SOS1: variants seen among roughly 807,000 people sequenced by gnomAD.
SOS1 encodes the protein SOS Ras/Rac guanine nucleotide exchange factor 1.
SOS1 carries 25 observed loss-of-function variants against 157.6 expected under a neutral mutation model. The ratio of observed to expected loss-of-function variants is 0.16; its 90% CI spans 0.12 to 0.22. The LOEUF (loss-of-function observed/expected upper bound fraction) is 0.22, where lower values mean the gene tolerates loss of function less well. Among genes scored for constraint, SOS1 ranks in the 10% least tolerant of loss-of-function variants. The pLI is 1.00. For missense variants in SOS1, 1,237 were observed against 1,599.1 expected (o/e 0.77, Z 3.86); for synonymous variants, 528 against 534.0 (o/e 0.99, Z 0.16).
rs1553352666 is a variant in SOS1 at position 39,003,070 on chromosome 2, A to AACAAAACAAAAC, written c.2791+3341_2791+3342insGTTTTGTTTTGT. Among the ~76,000 whole-genome samples, 93 of 96,316 alleles carry AACAAAACAAAAC rather than the reference A, an allele frequency of 9.7e-4. 1 individual carries two copies. Among genetic ancestry groups the AACAAAACAAAAC allele is most frequent in the African/African-American group, 3.3e-3 (81 of 24,806 alleles). The allele number at this position is 96,316 out of a possible 152,430, so 63.2% of individuals were successfully genotyped here. ...TGATAAAGTGAGACCTTGTATCAAA[A>AACAAAACAAAAC]AAAAAAAAGAACGTAGGGGTAGGGG... is the stretch of plus-strand genomic sequence containing the variant. On this transcript the variant is annotated intron_variant, in intron 17 of 22. Transcript: ENST00000402219.
At chr2:38,988,945 C>CTTTTTTTTT (rs3085353) in intron 21 of SOS1, among the ~76,000 whole-genome samples, 1 of 142,010 alleles carries the variant, frequency 7.0e-6, no homozygotes, top group African/African-American at 2.6e-5. Context: ...ATGCTCTTGC[C>CTTTTTTTTT]TTTTTTTTTT....
chr2:39,099,969 G>A (rs764521804), intron 1 of SOS1, among the ~76,000 whole-genome samples: 5 of 152,082 alleles, frequency 3.3e-5, no homozygotes, highest in African/African-American at 4.8e-5. Context: ...CACCTGCCTC[G>A]CCCTCCCAAA....
At chr2:39,086,874 A>G (rs1331981279) in intron 1 of SOS1, among the ~76,000 whole-genome samples, 1 of 151,806 alleles carries the variant, frequency 6.6e-6, no homozygotes. Context: ...GTGCAGTGGC[A>G]TGATCTTGGC....
intron 1 of SOS1, among the ~76,000 whole-genome samples, chr2:39,077,925 T>C (rs1359643786): frequency 6.6e-6 from 1 of 152,164 alleles, no homozygotes; most frequent in Non-Finnish European, 1.5e-5. Flanking sequence ...ACACAAGAAG[T>C]ATAAAATGAA....
chr2:39,090,332 G>C (rs966860257), intron 1 of SOS1, among the ~76,000 whole-genome samples: 2 of 152,060 alleles, frequency 1.3e-5, no homozygotes, highest in Non-Finnish European at 2.9e-5. Flanking sequence ...TCTTCTTTGT[G>C]GGGGCTGGGG....
At chr2:39,118,516 T>C (rs1174659408) in intron 1 of SOS1, among the ~76,000 whole-genome samples, 1 of 152,234 alleles carries the variant, frequency 6.6e-6, no homozygotes, top group Non-Finnish European at 1.5e-5. Context: ...CACCTCCTCC[T>C]ATCACTTCTA....
chr2:39,097,699 G>T (rs758772462), intron 1 of SOS1, among the ~76,000 whole-genome samples: 6 of 152,076 alleles, frequency 3.9e-5, no homozygotes, highest in Non-Finnish European at 8.8e-5. Flanking sequence ...CAGTAGCTGG[G>T]ATTACAGGCA....
chr2:38,983,067 T>C lies in SOS1; in HGVS notation c.*2757A>G, dbSNP rs1163114003. 2.6e-5 allele frequency: 4 copies of C among 152,162 alleles called. No homozygotes were observed. Among genetic ancestry groups the C allele is most frequent in the Non-Finnish European group, 5.9e-5 (4 of 68,006 alleles). The allele number at this position is 152,162 out of a possible 1,614,324, so 9.4% of individuals were successfully genotyped here. A position where few individuals can be genotyped will look rare whatever the true frequency, so the allele number is the denominator to read the frequency against. Reference sequence around the variant, plus strand: ...TCAATGTATGTTTCCTGATAATGTGTAGTCTTAAAATACATCAGCCTTGAA... The same window carrying C: ...TCAATGTATGTTTCCTGATAATGTGCAGTCTTAAAATACATCAGCCTTGAA... On this transcript the variant is annotated 3_prime_UTR_variant, in exon 23 of 23. Transcript: ENST00000402219.
chr2:39,121,729 A>T (rs1277084632), upstream of SOS1, among the ~76,000 whole-genome samples: 1 of 152,194 alleles, frequency 6.6e-6, no homozygotes, highest in African/African-American at 2.4e-5. Flanking sequence ...TCGACTAGAT[A>T]ATAAACTGGA....
chr2:39,056,423 A>G (rs1671214497), intron 4 of SOS1, among the ~76,000 whole-genome samples: 1 of 152,326 alleles, frequency 6.6e-6, no homozygotes, highest in Non-Finnish European at 1.5e-5. Flanking sequence ...TCTCAAAAAA[A>G]AGAAAAAAGA....
In SOS1 at chr2:39,006,428, TG is replaced by T; in HGVS notation, c.2774del (p.Pro925HisfsTer14). On this transcript the variant is annotated frameshift_variant, in exon 17 of 23. Transcript: ENST00000402219. LOFTEE classifies it high-confidence loss of function. ...AATACTTACCAAAGAAAGGCACACA[TG>T]GTGGATTAATAGACCTGAGTTTTGC... ...YLAKLRSINP[P>X]CVPFFGIYLT... 1.3e-6 allele frequency: 2 copies of T among 1,491,868 alleles called. No individual in the cohort carries two copies. The highest frequency in any genetic ancestry group is 1.9e-6 in the Non-Finnish European group (2 of 1,068,950). 92.4% of individuals were successfully genotyped at this position (1,491,868 alleles called of 1,614,324 possible). A position where few individuals can be genotyped will look rare whatever the true frequency, so the allele number is the denominator to read the frequency against.
At chr2:39,005,185 G>A (rs954834611) in intron 17 of SOS1, among the ~76,000 whole-genome samples, 2 of 152,088 alleles carry the variant, frequency 1.3e-5, no homozygotes, top group African/African-American at 4.8e-5. Flanking sequence ...ATAGCTAAAA[G>A]TTACATGAAT....
chr2:39,010,982 G>A (rs986414514), intron 14 of SOS1, among the ~76,000 whole-genome samples: 5 of 142,504 alleles, frequency 3.5e-5, no homozygotes, highest in African/African-American at 1.0e-4. Context: ...TGCAACCTCC[G>A]CCTCCCAGGT....
chr2:39,057,482 G>T (rs543486884), intron 3 of SOS1, among the ~76,000 whole-genome samples: 1 of 151,990 alleles, frequency 6.6e-6, no homozygotes, highest in East Asian at 1.9e-4. Context: ...TGTTCATACA[G>T]AATAACAAAT....
intron 9 of SOS1, chr2:39,023,747 T>C (rs1260981898): frequency 7.4e-6 from 3 of 405,562 alleles, no homozygotes; most frequent in Non-Finnish European, 8.9e-6. Context: ...ATCTACCCGA[T>C]ACATTTTACT....
chr2:39,022,409 A>G (rs981341757), intron 10 of SOS1, 161 bp downstream of exon 10: 4 of 647,872 alleles, frequency 6.2e-6, no homozygotes, highest in Non-Finnish European at 1.1e-5. Context: ...TAGAAAAAGT[A>G]AAACATTCCA....
rs1050638483 is a variant in SOS1 at position 39,120,977 on chromosome 2, G to C, written c.-555C>G. 1 of 175,998 alleles carries C rather than the reference G, an allele frequency of 5.7e-6. No homozygotes were observed. The highest frequency in any genetic ancestry group is 2.4e-5 in the African/African-American group (1 of 41,636). 10.9% of individuals were successfully genotyped at this position (175,998 alleles called of 1,614,324 possible). The stretch of plus-strand genomic sequence containing the variant: ...AATCTGGCTGCCCTGAGGTGCCGCC[G>C]CGGCCGCCGCCGCCACCGCCGCCGC... On this transcript the variant is annotated 5_prime_UTR_variant, in exon 1 of 23. Transcript: ENST00000402219.
chr2:39,096,944 A>G (rs1672787742), intron 1 of SOS1, among the ~76,000 whole-genome samples: 1 of 152,146 alleles, frequency 6.6e-6, no homozygotes, highest in African/African-American at 2.4e-5. Context: ...CAATATAAAG[A>G]ATTGCCAGAA....
At chr2:39,033,383 T>C (rs1162635362) in intron 8 of SOS1, among the ~76,000 whole-genome samples, 1 of 152,238 alleles carries the variant, frequency 6.6e-6, no homozygotes, top group Non-Finnish European at 1.5e-5. Flanking sequence ...GATGCACTTA[T>C]TAAAATTCTA....
Sources: allele counts gnomAD v4.1 joint callset (sites outside exome capture counted in the v4.1 genomes callset), GRCh38; gene constraint gnomAD v4.1.1; transcripts MANE v1.5; gene names NCBI Gene and HGNC (gene_info 2026-07-23, HGNC 2026-07-21).